The following REV1 variants were observed in gnomAD, a reference collection of about 807,000 sequenced individuals.
The protein encoded by REV1 is REV1 DNA directed polymerase.
In REV1, 42 loss-of-function variants were observed where a neutral mutation model predicts 137.4. The ratio of observed to expected loss-of-function variants is 0.31; its 90% CI spans 0.24 to 0.40. The LOEUF is 0.40. Among genes scored for constraint, REV1 ranks in the 10% least tolerant of loss-of-function variants. REV1 has a pLI of 1.00. For missense variants in REV1, 1,282 were observed against 1,490.1 expected (o/e 0.86, Z 2.30); for synonymous variants, 524 against 519.2 (o/e 1.01, Z -0.12).
At chr2:99,483,933 A>G (rs1270633409) in intron 1 of REV1, among the ~76,000 whole-genome samples, 1 of 152,176 alleles carries the variant, frequency 6.6e-6, no homozygotes, top group Non-Finnish European at 1.5e-5. Context: ...TACCCCTGAC[A>G]TTCTGAGGTG....
At chr2:99,459,463 T>C (rs116549466) in intron 3 of REV1, among the ~76,000 whole-genome samples, 294 of 152,166 alleles carry the variant, frequency 1.9e-3, no homozygotes, top group African/African-American at 6.8e-3. Flanking sequence ...CTCCACACTT[T>C]GGGAGGCTGA....
chr2:99,441,192 A>C (rs1681449814), intron 5 of REV1, among the ~76,000 whole-genome samples: 1 of 152,218 alleles, frequency 6.6e-6, no homozygotes, highest in Non-Finnish European at 1.5e-5. Flanking sequence ...AAAAATTAAA[A>C]GCTACAGGTA....
intron 8 of REV1, among the ~76,000 whole-genome samples, chr2:99,430,354 T>C (rs1348868075): frequency 1.3e-5 from 2 of 152,150 alleles, no homozygotes; most frequent in East Asian, 3.8e-4. Context: ...AAAATATAAA[T>C]TTCTCTGAAT....
chr2:99,406,978 A>G (rs945132464), intron 15 of REV1: 2 of 151,942 alleles, frequency 1.3e-5, no homozygotes, highest in African/African-American at 4.8e-5. Flanking sequence ...GAGAAATCAC[A>G]ATTACGGCTG....
chr2:99,483,011 C>A (rs571731915), intron 1 of REV1, among the ~76,000 whole-genome samples: 4 of 139,952 alleles, frequency 2.9e-5, no homozygotes, highest in African/African-American at 1.1e-4. Flanking sequence ...GGGCAAAACT[C>A]CGTTTCAAAA....
chr2:99,478,894 T>C (rs1175291621), intron 1 of REV1, among the ~76,000 whole-genome samples: 1 of 152,000 alleles, frequency 6.6e-6, no homozygotes, highest in Non-Finnish European at 1.5e-5. Flanking sequence ...GTATCTATAG[T>C]GGTGATAATA....
At chr2:99,472,533 C>A (rs1685533550) in intron 1 of REV1, among the ~76,000 whole-genome samples, 1 of 152,092 alleles carries the variant, frequency 6.6e-6, no homozygotes, top group African/African-American at 2.4e-5. Flanking sequence ...TATCGTACCA[C>A]AATTAAGAAG....
At chr2:99,435,977 A>G (rs771257262) in intron 6 of REV1, 36 bp from the exon 7 acceptor site, 1 of 1,145,712 alleles carries the variant, frequency 8.7e-7, no homozygotes, top group Admixed American at 1.8e-5. Flanking sequence ...ACCCCAAGCT[A>G]ATTTTTACTA....
chr2:99,450,430 G>A (rs952792662), intron 3 of REV1, among the ~76,000 whole-genome samples: 1 of 152,118 alleles, frequency 6.6e-6, no homozygotes, highest in African/African-American at 2.4e-5. Flanking sequence ...TACCCAGGGG[G>A]AGTTTCCACA....
In REV1 at chr2:99,418,824, T is replaced by C; in HGVS notation, c.1951+4A>G. The C allele has an allele frequency of 6.2e-7, 1 of 1,609,804 alleles. No individual in the cohort carries two copies. The highest frequency in any genetic ancestry group is 1.1e-5 in the South Asian group (1 of 90,836). On this transcript the variant is annotated splice_donor_region_variant and intron_variant, in intron 12 of 22. Coordinates refer to ENST00000258428, the MANE Select transcript of REV1 (RefSeq NM_016316.4). The stretch of plus-strand genomic sequence containing the variant: ...AAAAGTATTGTTAAAATATTTCTAT[T>C]TACCTGGTAGATTGGTCACTAGCTG...
At chr2:99,444,426 C>A (rs1211783076) in intron 4 of REV1, among the ~76,000 whole-genome samples, 1 of 152,204 alleles carries the variant, frequency 6.6e-6, no homozygotes, top group African/African-American at 2.4e-5. Context: ...TGGAGTGATG[C>A]AGACTCTACA....
intron 1 of REV1, among the ~76,000 whole-genome samples, chr2:99,478,527 G>A (rs796651257): frequency 8.5e-5 from 13 of 152,290 alleles, no homozygotes; most frequent in African/African-American, 3.1e-4. Flanking sequence ...CTTCACTAAG[G>A]AGAAGTGGTA....
chr2:99,457,345 T>C (rs1683638556), intron 3 of REV1, among the ~76,000 whole-genome samples: 1 of 152,210 alleles, frequency 6.6e-6, no homozygotes, highest in Non-Finnish European at 1.5e-5. Flanking sequence ...GTAATTCCTA[T>C]CAAAATCCCA....
At chr2:99,480,016 T>C (rs1686441154) in intron 1 of REV1, among the ~76,000 whole-genome samples, 1 of 151,800 alleles carries the variant, frequency 6.6e-6, no homozygotes, top group Admixed American at 6.6e-5. Context: ...AGAAGAAAAA[T>C]TCATAATTAA....
At chr2:99,468,607 A>G (rs1009294890) in intron 1 of REV1, among the ~76,000 whole-genome samples, 1 of 152,214 alleles carries the variant, frequency 6.6e-6, no homozygotes, top group Non-Finnish European at 1.5e-5. Flanking sequence ...TTAATTCCAC[A>G]TAACTTGATG....
intron 1 of REV1, among the ~76,000 whole-genome samples, chr2:99,479,291 C>T (rs1686325708): frequency 6.9e-6 from 1 of 144,352 alleles, no homozygotes; most frequent in African/African-American, 2.6e-5. Context: ...TAGGCTACTG[C>T]ACTCCAGCCT....
In REV1 at chr2:99,408,059, T is replaced by A. The variant is rs1676594631; in HGVS notation, c.2418A>T (p.Thr806=). Residue 806 remains threonine, a synonymous_variant, in exon 15 of 23, where the codon ACA becomes ACT. Transcript: ENST00000258428. ...IGKAMLNMFH[T]MKLNISDMRG... ...TCATATCTGATATATTTAGTTTCAT[T>A]GTATGAAACATGTTTAGCATCGCCT... The A allele has an allele frequency of 6.2e-7, 1 of 1,605,838 alleles. No individual in the cohort carries two copies. Among genetic ancestry groups the A allele is most frequent in the African/African-American group, 1.3e-5 (1 of 74,632 alleles).
intron 1 of REV1, among the ~76,000 whole-genome samples, chr2:99,483,331 G>C (rs1275488351): frequency 6.6e-6 from 1 of 152,196 alleles, no homozygotes; most frequent in African/African-American, 2.4e-5. Context: ...CTTAGAGAAT[G>C]TAAGATGCAG....
chr2:99,439,047 G>T lies in REV1; in HGVS notation c.767C>A (p.Ala256Asp). 1 of 1,614,176 alleles carries T rather than the reference G, an allele frequency of 6.2e-7. No individual in the cohort carries two copies. The highest frequency in any genetic ancestry group is 8.5e-7 in the Non-Finnish European group (1 of 1,180,010). The change falls in exon 6 of 23, where the codon GCC (alanine) becomes GAC (aspartate). Residue 256 changes from alanine to aspartate, a missense_variant. Transcript: ENST00000258428. ...AGCCTTATCCTCCTCCTGGGAAAAG[G>T]CTGGAGAAAGCCTGCTGGCAACACT... The part of the protein sequence containing the change: ...VNSVASRLSP[A>D]FSQEEDKAEK...
Sources: allele counts gnomAD v4.1 joint callset (sites outside exome capture counted in the v4.1 genomes callset), GRCh38; gene constraint gnomAD v4.1.1; transcripts MANE v1.5; gene names NCBI Gene and HGNC (gene_info 2026-07-23, HGNC 2026-07-21).